BMPER: variants seen among roughly 807,000 people sequenced by gnomAD.
BMPER encodes BMP binding endothelial regulator.
BMPER carries 45 observed loss-of-function variants against 87.3 expected under a neutral mutation model. The ratio of observed to expected loss-of-function variants is 0.52; its 90% CI spans 0.41 to 0.66. The LOEUF (loss-of-function observed/expected upper bound fraction) is 0.66, where lower values mean the gene tolerates loss of function less well. Ranked by LOEUF, BMPER falls within the 30% of genes least tolerant of loss-of-function variation. The pLI is 0.00. For synonymous variants in BMPER, 326 were observed against 316.2 expected (o/e 1.03, Z -0.33); for missense variants, 784 against 867.5 (o/e 0.90, Z 1.21).
At chr7:34,062,154 A>C in intron 11 of BMPER, 107 bp downstream of exon 11, 1 of 1,041,750 alleles carries the variant, frequency 9.6e-7, no homozygotes, top group Admixed American at 2.0e-5. Flanking sequence ...TTTTGTAGGT[A>C]TATATAGGAT....
chr7:33,922,621 C>T (rs1784262268), intron 2 of BMPER, among the ~76,000 whole-genome samples: 1 of 152,112 alleles, frequency 6.6e-6, no homozygotes, highest in Admixed American at 6.5e-5. Context: ...GAAAGAGAAA[C>T]TAAGAACCCA....
At chr7:33,970,025 G>A (rs908925509) in intron 4 of BMPER, among the ~76,000 whole-genome samples, 1 of 152,188 alleles carries the variant, frequency 6.6e-6, no homozygotes, top group Non-Finnish European at 1.5e-5. Flanking sequence ...GCTAGATTCT[G>A]TTGGGTACTT....
At position 33,969,621 on chromosome 7, in the gene BMPER, G is replaced by A. The variant is rs929172481; in HGVS notation, c.403-708G>A. Among the ~76,000 whole-genome samples, 32 of 152,242 alleles carry A rather than the reference G, an allele frequency of 2.1e-4. 1 individual carries two copies. In the East Asian group the frequency reaches 6.2e-3, roughly 29 times the overall value. On this transcript the variant is annotated intron_variant, in intron 4 of 14. Coordinates refer to ENST00000649409, the MANE Select transcript of BMPER (RefSeq NM_001365308.1). ...TCACTGTGTTAGCCAGGATGGTCTCGATCTCCTGACTTCGTGATCCGCCCG... is the reference window on the plus strand; with the variant it reads ...TCACTGTGTTAGCCAGGATGGTCTCAATCTCCTGACTTCGTGATCCGCCCG...
intron 2 of BMPER, among the ~76,000 whole-genome samples, chr7:33,931,377 A>T (rs1476283555): frequency 6.6e-6 from 1 of 152,178 alleles, no homozygotes; most frequent in African/African-American, 2.4e-5. Flanking sequence ...TCTTTGAGGG[A>T]TCTGAGACAG....
intron 2 of BMPER, among the ~76,000 whole-genome samples, chr7:33,916,580 G>A (rs1259872659): frequency 6.6e-6 from 1 of 152,208 alleles, no homozygotes; most frequent in Non-Finnish European, 1.5e-5. Context: ...GGACATGTGG[G>A]CCCTGCACAT....
chr7:34,014,258 T>C (rs1786962233), intron 6 of BMPER, among the ~76,000 whole-genome samples: 2 of 151,906 alleles, frequency 1.3e-5, no homozygotes, highest in Admixed American at 6.6e-5. Flanking sequence ...GTAGAGGAGA[T>C]CAACCCAAAA....
intron 6 of BMPER, among the ~76,000 whole-genome samples, chr7:33,998,086 G>A (rs1348464093): frequency 6.6e-6 from 1 of 152,022 alleles, no homozygotes; most frequent in Non-Finnish European, 1.5e-5. Flanking sequence ...GTATCTCCAC[G>A]ACCTAAAATG....
At chr7:34,106,162 G>A (rs1159032352) in intron 13 of BMPER, among the ~76,000 whole-genome samples, 7 of 152,164 alleles carry the variant, frequency 4.6e-5, no homozygotes, top group Admixed American at 1.3e-4. Context: ...GGGACTCTAC[G>A]TATCCAATGT....
chr7:33,954,849 A>AT (rs1785112730), intron 3 of BMPER, among the ~76,000 whole-genome samples: 1 of 152,018 alleles, frequency 6.6e-6, no homozygotes, highest in African/African-American at 2.4e-5. Context: ...CTTGACAGAT[A>AT]TTTGGCAGTC....
intron 6 of BMPER, among the ~76,000 whole-genome samples, chr7:34,039,142 A>C (rs1018610744): frequency 6.6e-6 from 1 of 152,220 alleles, no homozygotes; most frequent in Non-Finnish European, 1.5e-5. Flanking sequence ...TTCATCCTTC[A>C]GAACACTTGT....
chr7:33,968,245 A>G (rs983673183), intron 4 of BMPER, among the ~76,000 whole-genome samples: 1 of 152,150 alleles, frequency 6.6e-6, no homozygotes, highest in Non-Finnish European at 1.5e-5. Context: ...GTGCCCTGCT[A>G]GCTAGGATAA....
intron 14 of BMPER, among the ~76,000 whole-genome samples, chr7:34,146,093 C>G (rs1368902149): frequency 6.6e-6 from 1 of 152,070 alleles, no homozygotes; most frequent in Non-Finnish European, 1.5e-5. Flanking sequence ...CTTCCACAGA[C>G]TGACAGTTGG....
At chr7:34,130,540 A>G (rs1362842103) in intron 13 of BMPER, among the ~76,000 whole-genome samples, 1 of 152,180 alleles carries the variant, frequency 6.6e-6, no homozygotes, top group East Asian at 1.9e-4. Flanking sequence ...GACTATATAA[A>G]CATCTGTAAG....
At chr7:33,940,274 C>T (rs1784720896) in intron 3 of BMPER, among the ~76,000 whole-genome samples, 1 of 152,112 alleles carries the variant, frequency 6.6e-6, no homozygotes, top group African/African-American at 2.4e-5. Context: ...GTTATTTGGA[C>T]ATATCGTCCT....
chr7:33,991,910 CA>C (rs1786231063), intron 6 of BMPER, among the ~76,000 whole-genome samples: 2 of 140,374 alleles, frequency 1.4e-5, no homozygotes, highest in Non-Finnish European at 3.1e-5. Context: ...GTTCAGTTTC[CA>C]TGTAGTTGAG....
rs184599589 is a variant in BMPER at position 33,994,205 on chromosome 7, G to A, written c.576+19421G>A. Among the ~76,000 whole-genome samples, 1,263 of 152,276 alleles carry A rather than the reference G, an allele frequency of 8.3e-3. 13 individuals carry two copies. Among genetic ancestry groups the A allele is most frequent in the African/African-American group, 0.028 (1,157 of 41,570 alleles). ...TAAGCAAGCCTGGGCAATGGTGGGCGCCCCTCCCCCAGCCTCGCTGCCGCC... is the reference window on the plus strand; with the variant it reads ...TAAGCAAGCCTGGGCAATGGTGGGCACCCCTCCCCCAGCCTCGCTGCCGCC... On this transcript the variant is annotated intron_variant, in intron 6 of 14. Coordinates refer to ENST00000649409, the MANE Select transcript of BMPER (RefSeq NM_001365308.1).
At chr7:34,119,012 T>TCACACACACACACACACACACACA (rs781255103) in intron 13 of BMPER, among the ~76,000 whole-genome samples, 3 of 33,006 alleles carry the variant, frequency 9.1e-5, no homozygotes, top group South Asian at 2.0e-3. Flanking sequence ...TCTCTCTCTC[T>TCACACACACACACACACACACACA]CTCACACACA....
chr7:34,141,778 C>T (rs1002224020), intron 13 of BMPER, among the ~76,000 whole-genome samples: 2 of 152,092 alleles, frequency 1.3e-5, no homozygotes, highest in African/African-American at 4.8e-5. Flanking sequence ...TCTTTTGTCC[C>T]TGTTTTTTCC....
At chr7:33,989,241 A>C (rs62449717) in intron 6 of BMPER, among the ~76,000 whole-genome samples, 23,048 of 143,046 alleles carry the variant, frequency 0.16, 1,934 homozygotes, top group Middle Eastern at 0.24. Context: ...AACAGTGTAA[A>C]AGTGTTCCTG....
Sources: gnomAD v4.1 joint callset for allele counts (sites outside exome capture counted in the v4.1 genomes callset) on GRCh38, gnomAD v4.1.1 for gene constraint, MANE v1.5 for transcripts, NCBI Gene and HGNC (gene_info 2026-07-23, HGNC 2026-07-21) for gene names.